UBE2F: variants seen among roughly 807,000 people sequenced by gnomAD.
UBE2F encodes ubiquitin conjugating enzyme E2 F (putative).
UBE2F carries 5 observed loss-of-function variants against 29.6 expected under a neutral mutation model. The observed-to-expected ratio is 0.17, with a 90% CI of 0.09 to 0.36. UBE2F has a LOEUF of 0.36. Ranked by LOEUF, UBE2F falls within the 10% of genes least tolerant of loss-of-function variation. UBE2F has a pLI of 1.00. For synonymous variants in UBE2F, 66 were observed against 81.8 expected, an observed-to-expected ratio of 0.81 and a Z score of 1.04; for missense variants, 141 against 228.5, an observed-to-expected ratio of 0.62 and a Z score of 2.47.
intron 4 of UBE2F, among the ~76,000 whole-genome samples, chr2:237,996,234 G>A (rs1329223714): frequency 6.6e-6 from 1 of 152,194 alleles, no homozygotes; most frequent in Admixed American, 6.5e-5. Flanking sequence ...TAGTGATTAA[G>A]ATTGGTTCTC....
At position 237,982,630 on chromosome 2, in the gene UBE2F, G is replaced by T. The variant is rs2063403209; in HGVS notation, c.119-5333G>T. On this transcript the variant is annotated intron_variant, in intron 2 of 9. Transcript: ENST00000272930. This position sits in a 1 kb window ranked among gnomAD's most constrained non-coding sequence, Gnocchi z 4.1. ...GCCAGCATCAATCTCTCAAAAGAAG[G>T]GCCCTCAAGAACAGTTTCTTGTAAA... Among the ~76,000 whole-genome samples, 1 of 152,008 alleles carries T rather than the reference G, an allele frequency of 6.6e-6. No homozygotes were observed. The highest frequency in any genetic ancestry group is 2.4e-5 in the African/African-American group (1 of 41,378).
chr2:237,994,683 G>A lies in UBE2F; in HGVS notation c.149-61G>A, dbSNP rs2063656270. On this transcript the variant is annotated intron_variant, in intron 3 of 9. Transcript: ENST00000272930. ...TAACTTTACACGTGTTCAAAGGTTA[G>A]CGTCAACATATGGACTGCTGCTCAC... 1.5e-5 allele frequency: 21 copies of A among 1,362,128 alleles called. No individual in the cohort carries two copies. In the South Asian group the frequency reaches 2.5e-4, roughly 16 times the overall value. The allele number at this position is 1,362,128 out of a possible 1,614,324, so 84.4% of individuals were successfully genotyped here.
intron 8 of UBE2F, among the ~76,000 whole-genome samples, chr2:238,034,778 A>C (rs898890487): frequency 6.6e-6 from 1 of 152,230 alleles, no homozygotes; most frequent in East Asian, 1.9e-4. Flanking sequence ...ATAGTCCCCA[A>C]ATTTAACATC....
At chr2:238,008,777 T>C (rs1377482636) in intron 4 of UBE2F, among the ~76,000 whole-genome samples, 1 of 152,252 alleles carries the variant, frequency 6.6e-6, no homozygotes, top group East Asian at 1.9e-4. Context: ...TCAACCTTTA[T>C]ATTATAGTTC....
At chr2:238,021,206 T>A (rs535793821) in intron 5 of UBE2F, among the ~76,000 whole-genome samples, 3 of 152,238 alleles carry the variant, frequency 2.0e-5, no homozygotes, top group Non-Finnish European at 4.4e-5. Context: ...TCAGATAACA[T>A]GACCATGGCC....
chr2:238,034,866 G>A (rs2064669046), intron 8 of UBE2F, among the ~76,000 whole-genome samples: 1 of 151,960 alleles, frequency 6.6e-6, no homozygotes, highest in Non-Finnish European at 1.5e-5. Context: ...CTCATCATAA[G>A]GACAAATTGA....
chr2:237,970,784 T>C (rs2063160676), intron 1 of UBE2F, among the ~76,000 whole-genome samples: 1 of 152,224 alleles, frequency 6.6e-6, no homozygotes, highest in South Asian at 2.1e-4. Context: ...GCACAATCAC[T>C]GCAACCTCCA....
intron 4 of UBE2F, among the ~76,000 whole-genome samples, chr2:238,015,823 C>T (rs1471888803): frequency 6.6e-6 from 1 of 152,074 alleles, no homozygotes; most frequent in African/African-American, 2.4e-5. Flanking sequence ...CTGAAGTGCC[C>T]TCTGCTGGCA....
intron 3 of UBE2F, among the ~76,000 whole-genome samples, chr2:237,993,269 A>G (rs2063625900): frequency 6.6e-6 from 1 of 152,040 alleles, no homozygotes; most frequent in Non-Finnish European, 1.5e-5. Flanking sequence ...TACAGACATG[A>G]TCCACCATGC....
chr2:238,000,469 T>G (rs2063770951), intron 4 of UBE2F, among the ~76,000 whole-genome samples: 1 of 152,238 alleles, frequency 6.6e-6, no homozygotes, highest in Non-Finnish European at 1.5e-5. Flanking sequence ...TGTTTTTGAG[T>G]TTCACCCATG....
chr2:238,023,225 G>A (rs1466313398), intron 5 of UBE2F, among the ~76,000 whole-genome samples: 1 of 152,244 alleles, frequency 6.6e-6, no homozygotes, highest in Non-Finnish European at 1.5e-5. Flanking sequence ...CCTCATGGCA[G>A]TCTGACCTTC....
At chr2:238,037,421 C>T (rs1394495053) in intron 9 of UBE2F, among the ~76,000 whole-genome samples, 1 of 152,242 alleles carries the variant, frequency 6.6e-6, no homozygotes, top group African/African-American at 2.4e-5. Flanking sequence ...TACCATTGGC[C>T]CAGTGCAAAG....
intron 1 of UBE2F, 110 bp from the exon 2 acceptor site, chr2:237,972,982 C>A: frequency 1.5e-6 from 2 of 1,293,138 alleles, no homozygotes; most frequent in Non-Finnish European, 2.1e-6. Context: ...TTTTCCATAA[C>A]TAAATTGTGG....
intron 1 of UBE2F, among the ~76,000 whole-genome samples, chr2:237,969,801 G>A (rs761336287): frequency 3.3e-5 from 5 of 152,192 alleles, no homozygotes; most frequent in African/African-American, 4.8e-5. Context: ...GTCTGTGGTA[G>A]CTAAAGCCCC....
At chr2:238,001,395 T>C (rs570268497) in intron 4 of UBE2F, among the ~76,000 whole-genome samples, 48 of 152,336 alleles carry the variant, frequency 3.2e-4, no homozygotes, top group African/African-American at 1.2e-3. Flanking sequence ...TTATCAGATA[T>C]GTGGTGTTTT....
chr2:238,009,565 G>A (rs554375998), intron 4 of UBE2F, among the ~76,000 whole-genome samples: 2 of 152,072 alleles, frequency 1.3e-5, no homozygotes, highest in East Asian at 3.8e-4. Context: ...CCCCGTAACC[G>A]TCCATTTCTT....
chr2:238,036,094 T>G (rs2064701802), intron 9 of UBE2F, among the ~76,000 whole-genome samples, 154 bp downstream of exon 9: 1 of 152,198 alleles, frequency 6.6e-6, no homozygotes, highest in South Asian at 2.1e-4. Flanking sequence ...TATGGTATAG[T>G]AAATGTGTGT....
chr2:237,975,842 T>G (rs1292369224), intron 2 of UBE2F, among the ~76,000 whole-genome samples: 1 of 152,188 alleles, frequency 6.6e-6, no homozygotes, highest in African/African-American at 2.4e-5. Context: ...TTTCAACATG[T>G]TGGCCAGGCT....
chr2:238,008,232 T>C (rs765337401), intron 4 of UBE2F, among the ~76,000 whole-genome samples: 1 of 152,212 alleles, frequency 6.6e-6, no homozygotes, highest in Non-Finnish European at 1.5e-5. Context: ...GTGCTGAGAT[T>C]ACAGGTGTGA....
Sources: gnomAD v4.1 joint callset for allele counts (sites outside exome capture counted in the v4.1 genomes callset) on GRCh38, gnomAD v4.1.1 for gene constraint, Gnocchi (gnomAD v3.1) non-coding constraint, MANE v1.5 for transcripts, NCBI Gene and HGNC (gene_info 2026-07-23, HGNC 2026-07-21) for gene names.